The following TAFA2 variants were observed in gnomAD, a reference collection of about 807,000 sequenced individuals.
TAFA2 encodes the protein chemokine-like protein TAFA-2.
TAFA2 carries 7 observed loss-of-function variants against 18.8 expected under a neutral mutation model. That is an observed-to-expected ratio of 0.37 (90% confidence interval 0.21 to 0.70). The LOEUF is 0.70. Among genes scored for constraint, TAFA2 ranks in the 30% least tolerant of loss-of-function variants. The pLI is 0.53. For synonymous variants in TAFA2, 60 were observed against 54.2 expected, an observed-to-expected ratio of 1.11 and a Z score of -0.47; for missense variants, 122 against 158.1, an observed-to-expected ratio of 0.77 and a Z score of 1.23.
intron 2 of TAFA2, among the ~76,000 whole-genome samples, chr12:61,804,176 T>C (rs1380192250): frequency 6.6e-6 from 1 of 152,004 alleles, no homozygotes. Context: ...AATAATATAA[T>C]GGCTTCCTAT....
chr12:62,208,465 C>T (rs2062700926), intron 1 of TAFA2, among the ~76,000 whole-genome samples: 1 of 133,300 alleles, frequency 7.5e-6, no homozygotes, highest in Non-Finnish European at 1.6e-5. Context: ...TATTTACAGA[C>T]ACCACTTCTA....
At chr12:62,190,042 T>A (rs1015490524) in intron 1 of TAFA2, among the ~76,000 whole-genome samples, 7 of 151,568 alleles carry the variant, frequency 4.6e-5, no homozygotes, top group Admixed American at 1.3e-4. Context: ...GGGGATTTCA[T>A]ACTCACAAAA....
chr12:62,058,779 A>G (rs953817907), intron 1 of TAFA2, among the ~76,000 whole-genome samples: 1 of 152,194 alleles, frequency 6.6e-6, no homozygotes, highest in Non-Finnish European at 1.5e-5. Context: ...TAAGCAACAC[A>G]GTGAGACCCC....
rs573290407 is a variant in TAFA2 at position 62,060,860 on chromosome 12, A to T, written c.-2+130399T>A. ...ATTTTAAAAATAGAAAAAAGCTTAT[A>T]GAATAAGAATTAAGAACATCCCATG... On this transcript the variant is annotated intron_variant, in intron 1 of 4. Transcript: ENST00000416284. 3.1e-4 allele frequency among the ~76,000 whole-genome samples: 47 copies of T among 152,280 alleles called. 1 individual carries two copies. The South Asian group carries it at 9.7e-3, about 32-fold the overall frequency.
chr12:62,131,083 T>G (rs1870664034), intron 1 of TAFA2, among the ~76,000 whole-genome samples: 1 of 151,902 alleles, frequency 6.6e-6, no homozygotes, highest in South Asian at 2.1e-4. Context: ...GGGACAATGC[T>G]CTATAGCTCA....
intron 1 of TAFA2, among the ~76,000 whole-genome samples, chr12:62,078,628 G>A (rs1248785889): frequency 6.6e-6 from 1 of 152,108 alleles, no homozygotes; most frequent in Non-Finnish European, 1.5e-5. Context: ...CCACCTCTAC[G>A]TGCCTACACA....
At chr12:62,225,995 T>A (rs1306014519) in intron 1 of TAFA2, among the ~76,000 whole-genome samples, 2 of 152,194 alleles carry the variant, frequency 1.3e-5, no homozygotes, top group Non-Finnish European at 2.9e-5. Flanking sequence ...TGATCTCACA[T>A]AACATGCACT....
intron 2 of TAFA2, among the ~76,000 whole-genome samples, chr12:61,757,290 A>G (rs1869317042): frequency 6.6e-6 from 1 of 152,028 alleles, no homozygotes; most frequent in Non-Finnish European, 1.5e-5. Context: ...AGTGGGTAGA[A>G]TGTGCGTCAT....
intron 1 of TAFA2, among the ~76,000 whole-genome samples, chr12:62,050,681 C>A (rs193297032): frequency 2.6e-5 from 4 of 152,246 alleles, no homozygotes; most frequent in Admixed American, 6.5e-5. Flanking sequence ...CCACATTATC[C>A]CTACTAACCT....
rs147657852 is a variant in TAFA2 at position 61,754,777 on chromosome 12, C to A, written c.259+95G>T. 1.1e-3 allele frequency: 1,367 copies of A among 1,260,010 alleles called. 12 individuals are homozygous for A. The African/African-American group carries it at 0.018, about 17-fold the overall frequency. 78.1% of individuals were successfully genotyped at this position (1,260,010 alleles called of 1,614,324 possible). A position where few individuals can be genotyped will look rare whatever the true frequency, so the allele number is the denominator to read the frequency against. On this transcript the variant is annotated intron_variant, in intron 3 of 4. Coordinates refer to ENST00000416284, the MANE Select transcript of TAFA2 (RefSeq NM_178539.5). Reference sequence around the variant, plus strand: ...TCATGGTATTTGTAGTATGTTCACCCAGGATTGACCTCCCATTGAGAGCAT... The same window carrying A: ...TCATGGTATTTGTAGTATGTTCACCAAGGATTGACCTCCCATTGAGAGCAT...
chr12:61,769,384 A>G (rs979134038), intron 2 of TAFA2, among the ~76,000 whole-genome samples: 7 of 151,978 alleles, frequency 4.6e-5, no homozygotes, highest in African/African-American at 1.4e-4. Flanking sequence ...GCACTACCAC[A>G]GCTGATGCTC....
chr12:62,076,811 T>C (rs571277955), intron 1 of TAFA2, among the ~76,000 whole-genome samples: 39 of 152,250 alleles, frequency 2.6e-4, no homozygotes, highest in African/African-American at 9.1e-4. Flanking sequence ...TCTTCATGGG[T>C]TCATATTCAG....
intron 2 of TAFA2, among the ~76,000 whole-genome samples, chr12:61,759,431 C>T (rs1361338162): frequency 6.6e-6 from 1 of 151,188 alleles, no homozygotes; most frequent in Non-Finnish European, 1.5e-5. Flanking sequence ...TGTAATTCAG[C>T]ATGTTTCTCC....
At chr12:61,735,671 A>G (rs1411761745) in intron 4 of TAFA2, among the ~76,000 whole-genome samples, 2 of 151,560 alleles carry the variant, frequency 1.3e-5, no homozygotes, top group African/African-American at 4.8e-5. Flanking sequence ...TATAGTTTTT[A>G]TTAGTCCATT....
chr12:61,947,731 C>T (rs989854113), intron 1 of TAFA2, among the ~76,000 whole-genome samples: 14 of 152,070 alleles, frequency 9.2e-5, no homozygotes, highest in Non-Finnish European at 1.5e-4. Context: ...CTCATCTCCT[C>T]GATATGTAAG....
chr12:62,155,138 C>T (rs2062359774), intron 1 of TAFA2, among the ~76,000 whole-genome samples: 1 of 152,178 alleles, frequency 6.6e-6, no homozygotes. Flanking sequence ...AGTAGCTCTT[C>T]TATACACCAA....
chr12:61,956,033 G>A (rs1191538022), intron 1 of TAFA2, among the ~76,000 whole-genome samples: 2 of 151,886 alleles, frequency 1.3e-5, no homozygotes, highest in South Asian at 2.1e-4. Flanking sequence ...AATAACACAC[G>A]AATAACAGTG....
At chr12:61,952,171 G>A (rs1215172626) in intron 1 of TAFA2, among the ~76,000 whole-genome samples, 1 of 152,080 alleles carries the variant, frequency 6.6e-6, no homozygotes, top group African/African-American at 2.4e-5. Context: ...ATGACTGAAA[G>A]GAAGGTAGAC....
rs542047641 is a variant in TAFA2 at position 61,878,257 on chromosome 12, C to T, written c.-1-10831G>A. The T allele has an allele frequency of 7.1e-4, 228 of 319,152 alleles. 1 individual carries two copies. The highest frequency in any genetic ancestry group is 1.2e-3 in the Non-Finnish European group (194 of 159,940). The allele number at this position is 319,152 out of a possible 1,614,324, so 19.8% of individuals were successfully genotyped here. The stretch of plus-strand genomic sequence containing the variant: ...GGTAATGTACAACATTGTGAATGTA[C>T]TTAATGCTGCTGAATTGTACAAAAA... On this transcript the variant is annotated intron_variant, in intron 1 of 4. Transcript: ENST00000416284.
Sources: allele counts gnomAD v4.1 joint callset (sites outside exome capture counted in the v4.1 genomes callset), GRCh38; gene constraint gnomAD v4.1.1; transcripts MANE v1.5; gene names NCBI Gene and HGNC (gene_info 2026-07-23, HGNC 2026-07-21).